KSR2: variants seen among roughly 807,000 people sequenced by gnomAD.
KSR2 encodes kinase suppressor of ras 2.
Under a neutral mutation model 107.8 loss-of-function variants are expected in KSR2, and 25 were observed. The ratio of observed to expected loss-of-function variants is 0.23; its 90% confidence interval spans 0.17 to 0.32. The LOEUF is 0.32. KSR2 is among the 10% of genes least tolerant of loss of function. The probability of loss-of-function intolerance (pLI) is 1.00; values close to 1 mark genes in which losing one functional copy is unlikely to be tolerated. For missense variants in KSR2, 887 were observed against 1,268.9 expected (o/e 0.70, Z 4.57); for synonymous variants, 480 against 507.0 (o/e 0.95, Z 0.71).
At chr12:117,721,581 AAG>A (rs1887207853) in intron 4 of KSR2, among the ~76,000 whole-genome samples, 1 of 152,140 alleles carries the variant, frequency 6.6e-6, no homozygotes, top group Non-Finnish European at 1.5e-5. Context: ...CAAGGATCCA[AAG>A]AGGGGGCAGA....
At chr12:117,943,642 T>TA (rs1029113012) in intron 1 of KSR2, among the ~76,000 whole-genome samples, 1 of 151,050 alleles carries the variant, frequency 6.6e-6, no homozygotes, top group Non-Finnish European at 1.5e-5. Context: ...TATTCAGTCA[T>TA]AAAAAAATGA....
At chr12:117,592,418 T>C (rs1009674625) in intron 5 of KSR2, among the ~76,000 whole-genome samples, 1 of 152,082 alleles carries the variant, frequency 6.6e-6, no homozygotes, top group Admixed American at 6.5e-5. Flanking sequence ...CTGGCCCACT[T>C]TCCCCTTTTT....
Position 117,860,448 on chromosome 12 carries a change from G to C in KSR2, c.181-17C>G. ...CAGCTTGCTCTGTGGAGACACAGAC[G>C]AGGACAGAGGACACATCTCAGAGGC... On this transcript the variant is annotated splice_polypyrimidine_tract_variant and intron_variant, in intron 1 of 19. Coordinates refer to ENST00000339824, the MANE Select transcript of KSR2 (RefSeq NM_173598.6). The C allele has an allele frequency of 6.3e-7, 1 of 1,586,944 alleles. No individual in the cohort carries two copies. Among genetic ancestry groups the C allele is most frequent in the Non-Finnish European group, 8.6e-7 (1 of 1,164,564 alleles).
intron 5 of KSR2, among the ~76,000 whole-genome samples, chr12:117,665,146 C>T (rs1164463509): frequency 1.3e-5 from 2 of 151,916 alleles, no homozygotes; most frequent in Admixed American, 1.3e-4. Flanking sequence ...TTTGAAGAAC[C>T]AAGACTGTCC....
rs959501922 is a variant in KSR2 at position 117,539,802 on chromosome 12, G to A, written c.1604C>T (p.Pro535Leu). 1 of 1,608,330 alleles carries A rather than the reference G, an allele frequency of 6.2e-7. No homozygotes were observed. The highest frequency in any genetic ancestry group is 1.3e-5 in the African/African-American group (1 of 74,516). Residue 535 changes from proline (P) to leucine (L), a missense_variant, in exon 10 of 20, where the codon CCC becomes CTC. This residue lies in a region of KSR2 where 50 missense variants were observed against 43.4 expected (regional missense o/e 1.15). Transcript: ENST00000339824. ...TSSTPSSPAP[P>L]LPPSATPPSP... is the part of the protein sequence containing the mutation. The stretch of plus-strand genomic sequence containing the variant: ...AGGCGGCGTGGCACTAGGAGGGAGG[G>A]GGGGTGCTGGCGAGGAGGGCGTGGA...
intron 3 of KSR2, among the ~76,000 whole-genome samples, chr12:117,825,246 A>G (rs1039145881): frequency 2.6e-5 from 4 of 152,188 alleles, no homozygotes; most frequent in Non-Finnish European, 4.4e-5. Flanking sequence ...GGGTACACAG[A>G]TGGACATAAG....
chr12:117,964,959 G>A (rs1040413613), intron 1 of KSR2, among the ~76,000 whole-genome samples: 3 of 152,258 alleles, frequency 2.0e-5, no homozygotes, highest in African/African-American at 7.2e-5. Flanking sequence ...CACACTAGCA[G>A]AGCCCTGATT....
intron 4 of KSR2, among the ~76,000 whole-genome samples, chr12:117,674,774 T>C (rs769831488): frequency 1.3e-5 from 2 of 152,216 alleles, no homozygotes; most frequent in Non-Finnish European, 2.9e-5. Context: ...CTTTAAAAAG[T>C]ATACATTGTA....
intron 3 of KSR2, among the ~76,000 whole-genome samples, chr12:117,771,404 T>C (rs1339679213): frequency 6.6e-6 from 1 of 152,216 alleles, no homozygotes; most frequent in Non-Finnish European, 1.5e-5. Flanking sequence ...TGATGTTTCA[T>C]GTCTCCCTAA....
At chr12:117,570,301 T>C (rs1214772481) in intron 7 of KSR2, among the ~76,000 whole-genome samples, 2 of 152,090 alleles carry the variant, frequency 1.3e-5, no homozygotes, top group Non-Finnish European at 2.9e-5. Context: ...CTGCAGACGT[T>C]TTTGATGGTC....
chr12:117,647,809 A>G (rs116665604), intron 5 of KSR2, among the ~76,000 whole-genome samples: 1,691 of 152,192 alleles, frequency 0.011, 36 homozygotes, highest in African/African-American at 0.039. Flanking sequence ...TGCAACTTCA[A>G]TCCTGCTGCC....
intron 4 of KSR2, among the ~76,000 whole-genome samples, chr12:117,699,434 G>A (rs911213369): frequency 6.6e-6 from 1 of 152,148 alleles, no homozygotes; most frequent in Admixed American, 6.5e-5. Context: ...ATCATAGAAT[G>A]TACTTATACA....
At chr12:117,645,658 TCTAA>T (rs60811873) in intron 5 of KSR2, among the ~76,000 whole-genome samples, 7,126 of 152,228 alleles carry the variant, frequency 0.047, 306 homozygotes, top group East Asian at 0.15. Flanking sequence ...AAGCAAAATC[TCTAA>T]CTGTTTGGAA....
intron 3 of KSR2, among the ~76,000 whole-genome samples, chr12:117,800,992 T>C (rs988782038): frequency 2.0e-5 from 3 of 152,256 alleles, no homozygotes; most frequent in South Asian, 2.1e-4. Context: ...TTATCCAGTC[T>C]ATCACTGATG....
chr12:117,682,505 C>T (rs532914744), intron 4 of KSR2, among the ~76,000 whole-genome samples: 1 of 152,148 alleles, frequency 6.6e-6, no homozygotes, highest in Admixed American at 6.5e-5. Context: ...GCAACCTCTG[C>T]TTCCCAGGTT....
At chr12:117,844,467 C>T (rs188196451) in intron 3 of KSR2, among the ~76,000 whole-genome samples, 2 of 92,926 alleles carry the variant, frequency 2.2e-5, no homozygotes, top group African/African-American at 3.9e-5. Flanking sequence ...GCTGAAATTC[C>T]CTCCTCTTCT....
At chr12:117,934,645 G>A (rs116303052) in intron 1 of KSR2, among the ~76,000 whole-genome samples, 75 of 152,214 alleles carry the variant, frequency 4.9e-4, no homozygotes, top group African/African-American at 1.8e-3. Flanking sequence ...TCTCACACTC[G>A]CAAACAAAGG....
intron 4 of KSR2, among the ~76,000 whole-genome samples, chr12:117,700,430 C>T (rs374749628): frequency 2.0e-4 from 30 of 152,268 alleles, no homozygotes; most frequent in East Asian, 1.9e-3. Context: ...TACCACTTTG[C>T]CTATCCAGCC....
At position 117,626,826 on chromosome 12, in the gene KSR2, T is replaced by C. The variant is rs150998446; in HGVS notation, c.1171+40648A>G. ...GGGGTGTTACAGTCTCCCATTATTA[T>C]TGTGTGGGAACCTAAGTCTCTTTGT... On this transcript the variant is annotated intron_variant, in intron 5 of 19. Coordinates refer to ENST00000339824, the MANE Select transcript of KSR2 (RefSeq NM_173598.6). Among the ~76,000 whole-genome samples, 506 of 152,272 alleles carry C rather than the reference T, an allele frequency of 3.3e-3. 1 individual carries two copies. Among genetic ancestry groups the C allele is most frequent in the African/African-American group, 0.011 (440 of 41,564 alleles).
Sources: allele counts gnomAD v4.1 joint callset (sites outside exome capture counted in the v4.1 genomes callset), GRCh38; gene constraint gnomAD v4.1.1; regional missense constraint gnomAD v4.1.1; transcripts MANE v1.5; gene names NCBI Gene and HGNC (gene_info 2026-07-23, HGNC 2026-07-21).